SPICE1: variants seen among roughly 807,000 people sequenced by gnomAD.
The protein encoded by SPICE1 is spindle and centriole associated protein 1.
SPICE1 carries 75 observed loss-of-function variants against 102.7 expected under a neutral mutation model. The observed-to-expected ratio is 0.73, with a 90% CI of 0.61 to 0.88. The LOEUF (loss-of-function observed/expected upper bound fraction) is 0.88. Among genes scored for constraint, SPICE1 ranks in the 40% least tolerant of loss-of-function variants. The probability of loss-of-function intolerance (pLI) is 0.00; values close to 1 mark genes in which losing one functional copy is unlikely to be tolerated. For missense variants in SPICE1, 979 were observed against 1,020.1 expected, an observed-to-expected ratio of 0.96 and a Z score of 0.55; for synonymous variants, 308 against 350.3, an observed-to-expected ratio of 0.88 and a Z score of 1.35.
At chr3:113,496,599 C>T (rs914733555) in intron 4 of SPICE1, among the ~76,000 whole-genome samples, 4 of 152,138 alleles carry the variant, frequency 2.6e-5, no homozygotes, top group Non-Finnish European at 4.4e-5. Context: ...GCTTGATTCC[C>T]ATGGCATGGG....
intron 17 of SPICE1, among the ~76,000 whole-genome samples, chr3:113,446,353 C>G (rs993561763): frequency 1.3e-5 from 2 of 152,194 alleles, no homozygotes; most frequent in African/African-American, 4.8e-5. Flanking sequence ...AATTTCCAGT[C>G]TTTAAGGACT....
At chr3:113,511,397 G>A (rs139226413) in intron 1 of SPICE1, among the ~76,000 whole-genome samples, 6 of 152,184 alleles carry the variant, frequency 3.9e-5, no homozygotes, top group African/African-American at 4.8e-5. Flanking sequence ...AAAGAAATGT[G>A]GTACATATAA....
chr3:113,450,400 T>C lies in SPICE1; in HGVS notation c.2259A>G (p.Lys753=). 6.2e-7 allele frequency: 1 copy of C among 1,614,098 alleles called. No individual in the cohort carries two copies. Among genetic ancestry groups the C allele is most frequent in the African/African-American group, 1.3e-5 (1 of 75,018 alleles). The part of the protein sequence containing the change: ...GKLLQLIEQQ[K]LVGLNLSPPM... ...GTGGAGAAAGATTCAAACCAACAAG[T>C]TTCTGCTGCTCTATCAACTGCAGTA... The change falls in exon 15 of 18, where the codon AAA becomes AAG. Residue 753 remains lysine, a synonymous_variant. Transcript: ENST00000295872.
At chr3:113,505,745 A>AT (rs1288228541) in intron 2 of SPICE1, among the ~76,000 whole-genome samples, 2 of 151,878 alleles carry the variant, frequency 1.3e-5, no homozygotes, top group Non-Finnish European at 2.9e-5. Flanking sequence ...TACAAAAAAT[A>AT]TTTTTTTTAA....
chr3:113,473,449 C>T (rs953348531), intron 7 of SPICE1, among the ~76,000 whole-genome samples: 7 of 152,170 alleles, frequency 4.6e-5, no homozygotes, highest in Non-Finnish European at 1.0e-4. Context: ...CACAAAGATA[C>T]TCCTCGAGAA....
intron 10 of SPICE1, among the ~76,000 whole-genome samples, chr3:113,466,844 C>T (rs1397062596): frequency 1.3e-5 from 2 of 152,078 alleles, no homozygotes; most frequent in East Asian, 1.9e-4. Flanking sequence ...CTCAGGATTT[C>T]GAGACCAGCC....
At position 113,508,006 on chromosome 3, in the gene SPICE1, A is replaced by T. The variant is rs370598549; in HGVS notation, c.1-1401T>A. Among the ~76,000 whole-genome samples, 21 of 152,280 alleles carry T rather than the reference A, an allele frequency of 1.4e-4. No individual in the cohort carries two copies. The East Asian group carries it at 3.9e-3, about 28-fold the overall frequency. ...TTACATTTATGGTCAGTTTTTCAAC[A>T]TGGGTGCCAAGACAATTCAACGGGG... On this transcript the variant is annotated intron_variant, in intron 1 of 17. Coordinates refer to ENST00000295872, the MANE Select transcript of SPICE1 (RefSeq NM_144718.4).
At chr3:113,472,083 A>C (rs1486073403) in intron 7 of SPICE1, among the ~76,000 whole-genome samples, 1 of 152,202 alleles carries the variant, frequency 6.6e-6, no homozygotes, top group Non-Finnish European at 1.5e-5. Flanking sequence ...GGTCATGCCC[A>C]CCCTAATACT....
chr3:113,458,002 C>T (rs998064943), intron 12 of SPICE1, among the ~76,000 whole-genome samples: 1 of 152,152 alleles, frequency 6.6e-6, no homozygotes, highest in African/African-American at 2.4e-5. Context: ...AGGAACTTCA[C>T]AGGTCATGCA....
At chr3:113,448,288 T>G in intron 15 of SPICE1, 148 bp from the exon 16 acceptor site, 1 of 163,602 alleles carries the variant, frequency 6.1e-6, no homozygotes, top group East Asian at 1.8e-4. Context: ...CTTGAAAGAC[T>G]TTTTTTTTTT....
chr3:113,481,180 C>T (rs1936491257), intron 7 of SPICE1, among the ~76,000 whole-genome samples: 1 of 152,110 alleles, frequency 6.6e-6, no homozygotes, highest in Admixed American at 6.5e-5. Context: ...AAAACTAATT[C>T]AACCAAGATT....
At chr3:113,448,793 C>T (rs866807589) in intron 15 of SPICE1, 1 of 152,106 alleles carries the variant, frequency 6.6e-6, no homozygotes, top group African/African-American at 2.4e-5. Context: ...TTTAATTTTA[C>T]AAAATATTCC....
chr3:113,499,305 A>G (rs1936961534), intron 4 of SPICE1, 134 bp downstream of exon 4: 2 of 960,876 alleles, frequency 2.1e-6, no homozygotes, highest in South Asian at 2.6e-5. Context: ...CTTTTTTTGA[A>G]GTCCACATGT....
chr3:113,506,629 T>C (rs758484179), intron 1 of SPICE1, 24 bp from the exon 2 acceptor site: 3 of 1,585,462 alleles, frequency 1.9e-6, no homozygotes, highest in Non-Finnish European at 2.6e-6. Context: ...TCACATCAAA[T>C]TTTTAAAATA....
intron 16 of SPICE1, among the ~76,000 whole-genome samples, chr3:113,447,663 T>C (rs1935548563): frequency 6.6e-6 from 1 of 152,180 alleles, no homozygotes; most frequent in Non-Finnish European, 1.5e-5. Flanking sequence ...TTACCAATCA[T>C]ATGACCCATC....
At position 113,453,792 on chromosome 3, in the gene SPICE1, C is replaced by T; in HGVS notation, c.1816G>A (p.Val606Ile). ...ENRLFTQRWRVSHMGEDLENK... is the reference protein window; with the variant it reads ...ENRLFTQRWRISHMGEDLENK... The stretch of plus-strand genomic sequence containing the variant: ...TCCAAATCTTCTCCCATGTGAGAGA[C>T]TCTCCATCTCTGAGTGAAGAGACGA... Residue 606 changes from valine to isoleucine, a missense_variant, in exon 14 of 18, where the codon GTC (valine) becomes ATC (isoleucine). Coordinates refer to ENST00000295872, the MANE Select transcript of SPICE1 (RefSeq NM_144718.4). The T allele has an allele frequency of 6.2e-7, 1 of 1,614,148 alleles. No individual in the cohort carries two copies.
chr3:113,462,488 G>T (rs924433804), intron 11 of SPICE1, among the ~76,000 whole-genome samples: 1 of 152,128 alleles, frequency 6.6e-6, no homozygotes, highest in East Asian at 1.9e-4. Flanking sequence ...GCAGTTGCTA[G>T]GTTAAAAAAA....
Position 113,489,029 on chromosome 3 carries a change from G to T in SPICE1, c.527C>A (p.Thr176Asn), listed in dbSNP as rs1363553355. 6.2e-7 allele frequency: 1 copy of T among 1,612,902 alleles called. No individual in the cohort carries two copies. The highest frequency in any genetic ancestry group is 1.7e-5 in the Admixed American group (1 of 59,964). Residue 176 changes from threonine to asparagine, a missense_variant, in exon 7 of 18, where the codon ACT becomes AAT. By Grantham distance (65) the Thr-to-Asn change is moderately conservative (BLOSUM62 0). Transcript: ENST00000295872. ...LNDVDGEEEGTVNSQSGESEN... is the reference protein window; with the variant it reads ...LNDVDGEEEGNVNSQSGESEN... The stretch of plus-strand genomic sequence containing the variant: ...ACTTTCTCCTGACTGGCTATTAACA[G>T]TTCCTTCTTCTTCACCATCTACATC...
At chr3:113,504,571 C>CAAAAAAAAAAAAAA (rs71633321) in intron 2 of SPICE1, among the ~76,000 whole-genome samples, 39 of 67,826 alleles carry the variant, frequency 5.8e-4, no homozygotes, top group Non-Finnish European at 9.3e-4. Flanking sequence ...GACCTTGTCT[C>CAAAAAAAAAAAAAA]AAAAAAAAAA....
Sources: allele counts gnomAD v4.1 joint callset (sites outside exome capture counted in the v4.1 genomes callset), GRCh38; gene constraint gnomAD v4.1.1; transcripts MANE v1.5; gene names NCBI Gene and HGNC (gene_info 2026-07-23, HGNC 2026-07-21).